SPMIP2: variants seen among roughly 807,000 people sequenced by gnomAD.
SPMIP2 encodes sperm microtubule inner protein 2.
chr4:159,007,933 G>A, the SPMIP2 span: 1 of 399,144 alleles, frequency 2.5e-6, no homozygotes, highest in Non-Finnish European at 4.9e-6. Flanking sequence ...TCAGTAAAAT[G>A]TCTTTAAGAA....
the SPMIP2 span, among the ~76,000 whole-genome samples, chr4:158,975,834 A>G: frequency 1.3e-5 from 2 of 152,176 alleles, no homozygotes; most frequent in Non-Finnish European, 2.9e-5. Flanking sequence ...AGTTCTGTTA[A>G]GAAAGTCAAT....
the SPMIP2 span, among the ~76,000 whole-genome samples, chr4:158,980,253 G>T: frequency 6.6e-6 from 1 of 152,162 alleles, no homozygotes; most frequent in Non-Finnish European, 1.5e-5. Context: ...GAGCATATGG[G>T]GGAAGGGGCA....
At chr4:158,988,279 C>A in the SPMIP2 span, among the ~76,000 whole-genome samples, 2 of 152,134 alleles carry the variant, frequency 1.3e-5, no homozygotes, top group African/African-American at 4.8e-5. Context: ...ATGTCCAGGA[C>A]CAGACAGATT....
At chr4:158,946,427 G>A in the SPMIP2 span, among the ~76,000 whole-genome samples, 2 of 151,904 alleles carry the variant, frequency 1.3e-5, no homozygotes, top group Admixed American at 1.3e-4. Flanking sequence ...GGGGGACCCG[G>A]TGGGAGGTGA....
At chr4:158,984,813 A>G in the SPMIP2 span, among the ~76,000 whole-genome samples, 1 of 151,698 alleles carries the variant, frequency 6.6e-6, no homozygotes, top group African/African-American at 2.4e-5. Context: ...AGAGACACAA[A>G]AAACCCTTCA....
chr4:158,987,648 AG>A, the SPMIP2 span, among the ~76,000 whole-genome samples: 237 of 152,208 alleles, frequency 1.6e-3, 2 homozygotes, highest in African/African-American at 5.5e-3. Context: ...GGGAGTGGGG[AG>A]GGATAGCATT....
chr4:158,997,719 C>A, the SPMIP2 span, among the ~76,000 whole-genome samples: 1 of 152,146 alleles, frequency 6.6e-6, no homozygotes, highest in Admixed American at 6.6e-5. Context: ...GTGGCACAAT[C>A]CTGACTCACT....
chr4:159,018,643 A>T, the SPMIP2 span, among the ~76,000 whole-genome samples: 1 of 152,216 alleles, frequency 6.6e-6, no homozygotes, highest in Non-Finnish European at 1.5e-5. Context: ...CTAGGCAAGT[A>T]TGATGGTTCA....
At chr4:158,963,306 TTTTG>T in the SPMIP2 span, among the ~76,000 whole-genome samples, 36 of 152,020 alleles carry the variant, frequency 2.4e-4, no homozygotes, top group African/African-American at 8.5e-4. Context: ...TGTTTGTTTG[TTTTG>T]TTTGTTTTTG....
the SPMIP2 span, among the ~76,000 whole-genome samples, chr4:158,920,807 G>A: frequency 6.6e-6 from 1 of 152,202 alleles, no homozygotes; most frequent in Non-Finnish European, 1.5e-5. Flanking sequence ...CCTTTGGCCT[G>A]TTCCCTCAGA....
At chr4:158,917,752 TTC>T in the SPMIP2 span, among the ~76,000 whole-genome samples, 1 of 141,734 alleles carries the variant, frequency 7.1e-6, no homozygotes, top group Non-Finnish European at 1.5e-5. Flanking sequence ...TTGAGACAGA[TTC>T]TCTGTCTCCT....
At chr4:159,066,377 AT>A in the SPMIP2 span, among the ~76,000 whole-genome samples, 1 of 151,962 alleles carries the variant, frequency 6.6e-6, no homozygotes, top group Non-Finnish European at 1.5e-5. Flanking sequence ...AGGGGTGTGG[AT>A]TTCAATGCCC....
At chr4:158,907,060 C>G in the SPMIP2 span, 1 of 152,170 alleles carries the variant, frequency 6.6e-6, no homozygotes, top group African/African-American at 2.4e-5. Context: ...TAGCATCTTG[C>G]TTTTCCAAGC....
At chr4:158,932,853 A>G in the SPMIP2 span, among the ~76,000 whole-genome samples, 10 of 152,196 alleles carry the variant, frequency 6.6e-5, no homozygotes, top group Non-Finnish European at 1.0e-4. Context: ...CAAGGCTGCC[A>G]TGGAGCTAGG....
the SPMIP2 span, among the ~76,000 whole-genome samples, chr4:158,991,589 A>C: frequency 0.036 from 5,415 of 152,318 alleles, 130 homozygotes; most frequent in Non-Finnish European, 0.055. Context: ...TCCCCGTGAA[A>C]ATTGAGTATT....
chr4:158,982,464 A>C, the SPMIP2 span, among the ~76,000 whole-genome samples: 2 of 152,214 alleles, frequency 1.3e-5, no homozygotes, highest in African/African-American at 4.8e-5. Flanking sequence ...AATTGATCAC[A>C]TAATTGGAAG....
chr4:158,965,204 GATAA>G, the SPMIP2 span, among the ~76,000 whole-genome samples: 3 of 151,334 alleles, frequency 2.0e-5, no homozygotes, highest in Non-Finnish European at 4.4e-5. Context: ...CTTCCAAGGA[GATAA>G]ATATTTTCCT....
chr4:158,944,672 T>C, the SPMIP2 span, among the ~76,000 whole-genome samples: 1 of 152,214 alleles, frequency 6.6e-6, no homozygotes, highest in Non-Finnish European at 1.5e-5. Context: ...GGGAGCTGCT[T>C]CTTCCATGCT....
chr4:159,005,412 G>A, the SPMIP2 span, among the ~76,000 whole-genome samples: 11 of 151,988 alleles, frequency 7.2e-5, no homozygotes, highest in Admixed American at 4.6e-4. Context: ...CCATTGCACC[G>A]CAGCCTGGGC....
Sources: allele counts gnomAD v4.1 joint callset (sites outside exome capture counted in the v4.1 genomes callset), GRCh38; gene constraint gnomAD v4.1.1; transcripts MANE v1.5; gene names NCBI Gene and HGNC (gene_info 2026-07-23, HGNC 2026-07-21).